ARHGAP26: variants seen among roughly 807,000 people sequenced by gnomAD.
ARHGAP26 encodes the protein Rho GTPase activating protein 26, also known as rho GTPase-activating protein 26.
Under a neutral mutation model 104.8 loss-of-function variants are expected in ARHGAP26, and 38 were observed. The ratio of observed to expected loss-of-function variants is 0.36; its 90% CI spans 0.28 to 0.48. ARHGAP26 has a LOEUF of 0.48. ARHGAP26 is among the 20% of genes least tolerant of loss of function. ARHGAP26 has a pLI of 0.99. For missense variants in ARHGAP26, 704 were observed against 947.9 expected (o/e 0.74, Z 3.38); for synonymous variants, 341 against 340.0 (o/e 1.00, Z -0.03).
At chr5:143,199,400 A>G (rs1807363736) in intron 20 of ARHGAP26, among the ~76,000 whole-genome samples, 1 of 152,216 alleles carries the variant, frequency 6.6e-6, no homozygotes, top group Admixed American at 6.5e-5. Context: ...ACCAGTAGCC[A>G]ATTTACCACT....
chr5:142,861,521 G>C (rs1158807294), intron 1 of ARHGAP26, among the ~76,000 whole-genome samples: 1 of 152,146 alleles, frequency 6.6e-6, no homozygotes, highest in East Asian at 1.9e-4. Flanking sequence ...GGTGGATTCA[G>C]TTTTGATCCT....
chr5:142,857,493 T>C (rs1215352391), intron 1 of ARHGAP26, among the ~76,000 whole-genome samples: 3 of 152,026 alleles, frequency 2.0e-5, no homozygotes, highest in Non-Finnish European at 2.9e-5. Context: ...CTGAGAGAGG[T>C]GGCCCTGCTC....
At chr5:143,132,225 A>G (rs1000903929) in intron 18 of ARHGAP26, among the ~76,000 whole-genome samples, 1 of 152,058 alleles carries the variant, frequency 6.6e-6, no homozygotes, top group Non-Finnish European at 1.5e-5. Context: ...CCGCCAACCC[A>G]TGGAGAGCAG....
chr5:142,905,916 C>T (rs973822918), intron 8 of ARHGAP26, among the ~76,000 whole-genome samples: 1 of 152,172 alleles, frequency 6.6e-6, no homozygotes, highest in Non-Finnish European at 1.5e-5. Context: ...CCTTCTAAAG[C>T]ATTTTGTTGT....
chr5:143,102,446 C>A (rs986245607), intron 17 of ARHGAP26, among the ~76,000 whole-genome samples: 2 of 152,196 alleles, frequency 1.3e-5, no homozygotes, highest in Non-Finnish European at 2.9e-5. Flanking sequence ...AGAACAAGTT[C>A]TTATCAGAGG....
At chr5:142,975,905 T>C (rs1302533807) in intron 11 of ARHGAP26, among the ~76,000 whole-genome samples, 1 of 152,236 alleles carries the variant, frequency 6.6e-6, no homozygotes, top group Non-Finnish European at 1.5e-5. Context: ...AAGAATATAA[T>C]GTGGCCTCTG....
chr5:142,909,272 G>A (rs1005337353), intron 9 of ARHGAP26, among the ~76,000 whole-genome samples: 3 of 152,126 alleles, frequency 2.0e-5, no homozygotes, highest in Non-Finnish European at 4.4e-5. Context: ...TTTTTCATTT[G>A]TGTCTAACCT....
Position 143,149,631 on chromosome 5 carries a change from G to T in ARHGAP26, c.1988+2250G>T, listed in dbSNP as rs1159927314. Among the ~76,000 whole-genome samples the T allele has an allele frequency of 2.6e-5, 4 of 152,170 alleles. No homozygotes were observed. In the East Asian group the frequency reaches 7.7e-4, roughly 29 times the overall value. ...ATTCTGAGAAATCTGTCGGCACACA[G>T]ACGTGCCACGGTAACAATCACCTGA... On this transcript the variant is annotated intron_variant, in intron 20 of 22. Coordinates refer to ENST00000645722, the MANE Select transcript of ARHGAP26 (RefSeq NM_001135608.3).
At chr5:142,899,570 C>T (rs1759982771) in intron 6 of ARHGAP26, among the ~76,000 whole-genome samples, 1 of 152,156 alleles carries the variant, frequency 6.6e-6, no homozygotes, top group South Asian at 2.1e-4. Context: ...CTGCAGCAAG[C>T]TCTTCCTCCT....
chr5:142,929,993 A>G (rs1231803180), intron 10 of ARHGAP26, among the ~76,000 whole-genome samples: 1 of 152,318 alleles, frequency 6.6e-6, no homozygotes, highest in Non-Finnish European at 1.5e-5. Flanking sequence ...CTCTGCATCA[A>G]GATCACCTGG....
chr5:143,149,016 A>T (rs962236727), intron 20 of ARHGAP26, among the ~76,000 whole-genome samples: 1 of 152,186 alleles, frequency 6.6e-6, no homozygotes, highest in Admixed American at 6.5e-5. Context: ...TTGCTTAAGC[A>T]GCTAAGTGGA....
chr5:143,060,507 T>G (rs142093137), intron 17 of ARHGAP26, among the ~76,000 whole-genome samples: 13 of 152,200 alleles, frequency 8.5e-5, no homozygotes, highest in Admixed American at 7.9e-4. Flanking sequence ...ATTACCAGGG[T>G]ACATCCAAAT....
chr5:142,771,211 T>TC, intron 1 of ARHGAP26: 1 of 1,273,110 alleles, frequency 7.9e-7, no homozygotes, highest in Middle Eastern at 3.0e-4. Flanking sequence ...CACGCAGGTG[T>TC]CCCAGCAGTG....
intron 17 of ARHGAP26, among the ~76,000 whole-genome samples, chr5:143,082,990 G>A (rs1790032730): frequency 6.6e-6 from 1 of 152,184 alleles, no homozygotes; most frequent in African/African-American, 2.4e-5. Flanking sequence ...GATTGTCACT[G>A]TAGAGTGACA....
At chr5:143,168,279 T>G (rs1284297035) in intron 20 of ARHGAP26, among the ~76,000 whole-genome samples, 2 of 152,136 alleles carry the variant, frequency 1.3e-5, no homozygotes, top group African/African-American at 4.8e-5. Context: ...ACACTAAAGC[T>G]GGGGAAGCCT....
intron 11 of ARHGAP26, among the ~76,000 whole-genome samples, chr5:142,963,179 T>C (rs1770595511): frequency 9.6e-6 from 1 of 104,126 alleles, no homozygotes; most frequent in African/African-American, 5.8e-5. Flanking sequence ...TATGTATATA[T>C]ATATATATAT....
rs980407823 is a variant in ARHGAP26 at position 143,225,129 on chromosome 5, G to A, written c.*2683G>A. The A allele has an allele frequency of 1.4e-4, 30 of 219,230 alleles. No homozygotes were observed. Among genetic ancestry groups the A allele is most frequent in the African/African-American group, 6.3e-4 (28 of 44,484 alleles). 13.6% of individuals were successfully genotyped at this position (219,230 alleles called of 1,614,324 possible). A position where few individuals can be genotyped will look rare whatever the true frequency, so the allele number is the denominator to read the frequency against. On this transcript the variant is annotated 3_prime_UTR_variant, in exon 23 of 23. Coordinates refer to ENST00000645722, the MANE Select transcript of ARHGAP26 (RefSeq NM_001135608.3). ...GGGATGTGCATTCACATACTATTAC[G>A]CTTCTCAAAGAGAGACCAACATCAT...
chr5:142,785,861 C>G lies in ARHGAP26; in HGVS notation c.154+14946C>G, dbSNP rs75353036. Reference sequence around the variant, plus strand: ...TTTCTCTCATTTGCTTTCCTCCCTTCTTTTTCTTTCCCTTCACCTTTCCCC... The same window carrying G: ...TTTCTCTCATTTGCTTTCCTCCCTTGTTTTTCTTTCCCTTCACCTTTCCCC... On this transcript the variant is annotated intron_variant, in intron 1 of 22. Coordinates refer to ENST00000645722, the MANE Select transcript of ARHGAP26 (RefSeq NM_001135608.3). Among the ~76,000 whole-genome samples, 878 of 152,212 alleles carry G rather than the reference C, an allele frequency of 5.8e-3. 22 individuals are homozygous for G. The highest frequency in any genetic ancestry group is 0.052 in the East Asian group (269 of 5,160).
intron 9 of ARHGAP26, among the ~76,000 whole-genome samples, chr5:142,911,045 C>T (rs1186369850): frequency 6.6e-6 from 1 of 152,108 alleles, no homozygotes; most frequent in Non-Finnish European, 1.5e-5. Context: ...TAAAAGTACC[C>T]ACTGTTCTCA....
Sources: allele counts gnomAD v4.1 joint callset (sites outside exome capture counted in the v4.1 genomes callset), GRCh38; gene constraint gnomAD v4.1.1; transcripts MANE v1.5; gene names NCBI Gene and HGNC (gene_info 2026-07-23, HGNC 2026-07-21).